Variants in NUBPL observed in about 807,000 individuals in gnomAD.
NUBPL encodes the protein NUBP iron-sulfur cluster assembly factor, mitochondrial.
NUBPL carries 31 observed loss-of-function variants against 45.7 expected under a neutral mutation model. The observed-to-expected ratio is 0.68, with a 90% CI of 0.51 to 0.92. NUBPL has a LOEUF of 0.92. Among genes scored for constraint, NUBPL ranks in the 40% least tolerant of loss-of-function variants. The probability of loss-of-function intolerance (pLI) is 0.00; values close to 1 mark genes in which losing one functional copy is unlikely to be tolerated. For missense variants in NUBPL, 401 were observed against 398.7 expected (o/e 1.01, Z -0.05); for synonymous variants, 144 against 140.9 (o/e 1.02, Z -0.15).
intron 4 of NUBPL, among the ~76,000 whole-genome samples, chr14:31,610,608 CAAA>C (rs775656176): frequency 0.018 from 1,691 of 94,664 alleles, 24 homozygotes; most frequent in African/African-American, 0.058. Flanking sequence ...AAAGATACAT[CAAA>C]AAAAAAAAAA....
chr14:31,810,093 G>A (rs2039770774), intron 7 of NUBPL, among the ~76,000 whole-genome samples: 1 of 152,190 alleles, frequency 6.6e-6, no homozygotes, highest in Non-Finnish European at 1.5e-5. Flanking sequence ...TGTATATTCT[G>A]TTGATTTGGG....
chr14:31,726,203 C>T (rs1177222467), intron 6 of NUBPL, among the ~76,000 whole-genome samples: 1 of 152,126 alleles, frequency 6.6e-6, no homozygotes, highest in East Asian at 1.9e-4. Flanking sequence ...GGTATTTGTA[C>T]TCCTTTCCTT....
In NUBPL at chr14:31,846,286, T is replaced by C. The variant is rs1306173224; in HGVS notation, c.694-185T>C. The C allele has an allele frequency of 3.1e-5, 18 of 587,804 alleles. No homozygotes were observed. In the East Asian group the frequency reaches 5.4e-4, roughly 18 times the overall value. 36.4% of individuals were successfully genotyped at this position (587,804 alleles called of 1,614,324 possible). On this transcript the variant is annotated intron_variant, in intron 8 of 10. Coordinates refer to ENST00000281081, the MANE Select transcript of NUBPL (RefSeq NM_025152.3). ...CATTTATTATGATATCAAAGGTAATTCTATATGTCTTGCTCTCTTACTAGC... is the reference window on the plus strand; with the variant it reads ...CATTTATTATGATATCAAAGGTAATCCTATATGTCTTGCTCTCTTACTAGC...
At chr14:31,582,982 A>G (rs1312475339) in intron 3 of NUBPL, among the ~76,000 whole-genome samples, 2 of 152,212 alleles carry the variant, frequency 1.3e-5, no homozygotes, top group Admixed American at 6.5e-5. Context: ...TTGAGTAGCT[A>G]ACATCTGCCT....
At chr14:31,642,967 G>T (rs1294386912) in intron 4 of NUBPL, among the ~76,000 whole-genome samples, 1 of 152,034 alleles carries the variant, frequency 6.6e-6, no homozygotes, top group Non-Finnish European at 1.5e-5. Flanking sequence ...TTTGCTGTTG[G>T]TGTATATAAG....
At chr14:31,663,881 T>C (rs917133463) in intron 4 of NUBPL, among the ~76,000 whole-genome samples, 2 of 152,208 alleles carry the variant, frequency 1.3e-5, no homozygotes, top group African/African-American at 2.4e-5. Context: ...ACACAGAATA[T>C]TTTTCCATTT....
intron 3 of NUBPL, among the ~76,000 whole-genome samples, chr14:31,581,218 T>C (rs1404683817): frequency 1.3e-5 from 2 of 151,376 alleles, no homozygotes; most frequent in African/African-American, 4.8e-5. Context: ...TTTTTTTTTT[T>C]TTTGGTATGG....
intron 3 of NUBPL, among the ~76,000 whole-genome samples, chr14:31,589,019 T>C (rs1464136668): frequency 6.6e-6 from 1 of 152,144 alleles, no homozygotes; most frequent in Admixed American, 6.5e-5. Context: ...ATTAATAGAT[T>C]AACTCTTTTT....
At chr14:31,581,707 T>C (rs1000055277) in intron 3 of NUBPL, among the ~76,000 whole-genome samples, 7 of 152,210 alleles carry the variant, frequency 4.6e-5, no homozygotes, top group Non-Finnish European at 1.0e-4. Context: ...AAACGCGTGA[T>C]AGACACCCAG....
intron 6 of NUBPL, among the ~76,000 whole-genome samples, chr14:31,752,593 AT>A (rs1566542030): frequency 6.6e-6 from 1 of 152,200 alleles, no homozygotes; most frequent in Non-Finnish European, 1.5e-5. Flanking sequence ...GGTCAAAACC[AT>A]TCAACAAGTC....
intron 4 of NUBPL, among the ~76,000 whole-genome samples, chr14:31,631,334 T>C (rs1566460438): frequency 6.6e-6 from 1 of 152,078 alleles, no homozygotes; most frequent in Non-Finnish European, 1.5e-5. Flanking sequence ...TACTTTTTTT[T>C]CCCTCTATGT....
At chr14:31,616,497 G>GT (rs72526360) in intron 4 of NUBPL, among the ~76,000 whole-genome samples, 124,489 of 150,878 alleles carry the variant, frequency 0.83, 55,601 homozygotes, top group East Asian at 0.99. Flanking sequence ...TGGCTAGCCA[G>GT]TTTTTTTTTA....
chr14:31,586,218 C>T (rs2033992582), intron 3 of NUBPL, among the ~76,000 whole-genome samples: 3 of 152,102 alleles, frequency 2.0e-5, no homozygotes, highest in African/African-American at 4.8e-5. Flanking sequence ...CACAAAGCCT[C>T]CAGCCTTGTG....
rs571778783 is a variant in NUBPL at position 31,761,865 on chromosome 14, C to T, written c.514-25915C>T. On this transcript the variant is annotated intron_variant, in intron 6 of 10. Transcript: ENST00000281081. ...TTGGATATATAGTTTCTGTGTTCAT[C>T]AAAGAATCTAACAAAGCATGGATTA... Among the ~76,000 whole-genome samples, 12 of 152,186 alleles carry T rather than the reference C, an allele frequency of 7.9e-5. 1 individual carries two copies. The South Asian group carries it at 2.1e-3, about 26-fold the overall frequency.
chr14:31,594,787 G>A (rs943353842), intron 3 of NUBPL, among the ~76,000 whole-genome samples: 4 of 152,124 alleles, frequency 2.6e-5, no homozygotes, highest in Non-Finnish European at 5.9e-5. Flanking sequence ...CATAAAGCTA[G>A]GCAGAAAGAG....
At chr14:31,697,664 CA>C (rs2037243207) in intron 6 of NUBPL, among the ~76,000 whole-genome samples, 2 of 152,182 alleles carry the variant, frequency 1.3e-5, no homozygotes, top group Non-Finnish European at 2.9e-5. Context: ...CTCTGACCAG[CA>C]GAGTTAAAGA....
chr14:31,623,749 G>A (rs534224250), intron 4 of NUBPL, among the ~76,000 whole-genome samples: 3 of 152,190 alleles, frequency 2.0e-5, no homozygotes, highest in Non-Finnish European at 2.9e-5. Flanking sequence ...GTATGAAAAC[G>A]GACTAATACG....
At chr14:31,681,115 C>G (rs754987611) in intron 6 of NUBPL, among the ~76,000 whole-genome samples, 26 of 151,888 alleles carry the variant, frequency 1.7e-4, no homozygotes, top group Admixed American at 9.2e-4. Context: ...TGTGAAATAT[C>G]TTGTGTAAAA....
intron 7 of NUBPL, among the ~76,000 whole-genome samples, chr14:31,813,474 C>CATACAT (rs1555340570): frequency 6.6e-4 from 97 of 147,702 alleles, no homozygotes; most frequent in African/African-American, 2.3e-3. Flanking sequence ...CACATACATA[C>CATACAT]ATATATATAT....
Sources: allele counts gnomAD v4.1 joint callset (sites outside exome capture counted in the v4.1 genomes callset), GRCh38; gene constraint gnomAD v4.1.1; transcripts MANE v1.5; gene names NCBI Gene and HGNC (gene_info 2026-07-23, HGNC 2026-07-21).